Variants in NDUFB3 observed in about 807,000 individuals in gnomAD.
NDUFB3 encodes the protein NADH dehydrogenase [ubiquinone] 1 beta subcomplex subunit 3.
Under a neutral mutation model 9.0 loss-of-function variants are expected in NDUFB3, and 7 were observed. The ratio of observed to expected loss-of-function variants is 0.78; its 90% confidence interval spans 0.44 to 1.46. The LOEUF is 1.46. Among genes scored for constraint, NDUFB3 ranks in the 40% most tolerant of loss-of-function variants. The pLI, the probability that NDUFB3 is intolerant of heterozygous loss-of-function variation, is 0.01. For synonymous variants in NDUFB3, 29 were observed against 38.5 expected (o/e 0.75, Z 0.91); for missense variants, 93 against 115.4 (o/e 0.81, Z 0.89).
chr2:201,083,480 G>A (rs1005718971), intron 2 of NDUFB3, among the ~76,000 whole-genome samples: 10 of 149,752 alleles, frequency 6.7e-5, no homozygotes, highest in African/African-American at 1.7e-4. Flanking sequence ...TCTGCCTCCC[G>A]AATAGCTGGG....
intron 2 of NDUFB3, among the ~76,000 whole-genome samples, chr2:201,081,241 T>C (rs1166670835): frequency 6.6e-6 from 1 of 151,460 alleles, no homozygotes; most frequent in African/African-American, 2.4e-5. Flanking sequence ...TCCAGCACTT[T>C]GGGAGGCCGA....
intron 2 of NDUFB3, among the ~76,000 whole-genome samples, chr2:201,079,623 A>G (rs2047202377): frequency 6.6e-6 from 1 of 152,066 alleles, no homozygotes; most frequent in African/African-American, 2.4e-5. Flanking sequence ...TTATATTGTT[A>G]GTAGAGACAG....
At chr2:201,079,702 C>T (rs1231150769) in intron 2 of NDUFB3, 1 of 152,154 alleles carries the variant, frequency 6.6e-6, no homozygotes, top group African/African-American at 2.4e-5. Flanking sequence ...CTTGGCCTCC[C>T]AAAGTGTTAA....
chr2:201,081,833 T>TG (rs1266133622), intron 2 of NDUFB3, among the ~76,000 whole-genome samples: 5 of 144,282 alleles, frequency 3.5e-5, no homozygotes, highest in African/African-American at 1.3e-4. Context: ...TTTTTTTTTT[T>TG]GAAATGGAGT....
At chr2:201,075,578 A>G (rs888506967) in intron 1 of NDUFB3, among the ~76,000 whole-genome samples, 11 of 151,828 alleles carry the variant, frequency 7.2e-5, no homozygotes, top group African/African-American at 2.4e-5. Flanking sequence ...AAAAAAAAAA[A>G]AAAAAAAAAG....
At chr2:201,078,691 A>G (rs1196333631) in intron 1 of NDUFB3, among the ~76,000 whole-genome samples, 190 bp from the exon 2 acceptor site, 3 of 152,042 alleles carry the variant, frequency 2.0e-5, no homozygotes, top group Non-Finnish European at 4.4e-5. Flanking sequence ...GTGTATGTGT[A>G]TTTCCTAACT....
At chr2:201,074,745 T>G (rs2047141777) in intron 1 of NDUFB3, among the ~76,000 whole-genome samples, 1 of 152,122 alleles carries the variant, frequency 6.6e-6, no homozygotes, top group Non-Finnish European at 1.5e-5. Flanking sequence ...CGTGTGCCAC[T>G]GCGCCCAGCC....
chr2:201,077,417 A>G (rs922842868), intron 1 of NDUFB3, among the ~76,000 whole-genome samples: 2 of 152,186 alleles, frequency 1.3e-5, no homozygotes, highest in African/African-American at 2.4e-5. Context: ...AAGTATTTAT[A>G]TAACCATTGA....
chr2:201,078,958 G>A lies in NDUFB3; in HGVS notation c.76G>A (p.Gly26Arg), dbSNP rs1311870530. 4 of 1,613,376 alleles carry A rather than the reference G, an allele frequency of 2.5e-6. No homozygotes were observed. The highest frequency in any genetic ancestry group is 1.7e-5 in the Admixed American group (1 of 59,928). Residue 26 changes from glycine (G) to arginine (R), a missense_variant, in exon 2 of 3, where the codon GGG (glycine) becomes AGG (arginine). Physicochemically the swap from Gly to Arg is moderately radical, Grantham distance 125. Transcript: ENST00000237889. ...AGATTATAGACAATGGAAGATAGAAGGGACACCATTAGAAACTATCCAGAA... is the reference window on the plus strand; with the variant it reads ...AGATTATAGACAATGGAAGATAGAAAGGACACCATTAGAAACTATCCAGAA... ...LPDYRQWKIE[G>R]TPLETIQKKL...
chr2:201,085,681 C>T lies in NDUFB3; in HGVS notation c.*66C>T, dbSNP rs955723904. The T allele has an allele frequency of 1.8e-5, 26 of 1,407,012 alleles. No homozygotes were observed. In the Admixed American group the frequency reaches 5.4e-4, roughly 29 times the overall value. 87.2% of individuals were successfully genotyped at this position (1,407,012 alleles called of 1,614,324 possible). ...CAAAATAAGATTTCTTCTCTGTAGC[C>T]TACTTGTCTGGTTTATCCCTTACAG... On this transcript the variant is annotated 3_prime_UTR_variant, in exon 3 of 3. Coordinates refer to ENST00000237889, the MANE Select transcript of NDUFB3 (RefSeq NM_002491.3).
At chr2:201,075,190 A>AG (rs1440086510) in intron 1 of NDUFB3, among the ~76,000 whole-genome samples, 1 of 151,660 alleles carries the variant, frequency 6.6e-6, no homozygotes, top group African/African-American at 2.4e-5. Flanking sequence ...AAAAAAAAAA[A>AG]AAAAAGAAAA....
intron 1 of NDUFB3, among the ~76,000 whole-genome samples, chr2:201,073,031 G>T (rs969021020): frequency 2.6e-5 from 4 of 152,070 alleles, no homozygotes; most frequent in Non-Finnish European, 5.9e-5. Context: ...ATGGCGGGGG[G>T]TGTGATTAGG....
chr2:201,077,602 C>T (rs1035288492), intron 1 of NDUFB3, among the ~76,000 whole-genome samples: 3 of 152,196 alleles, frequency 2.0e-5, no homozygotes, highest in African/African-American at 7.2e-5. Context: ...TTTGTAATGA[C>T]TTTGATGCTA....
intron 1 of NDUFB3, among the ~76,000 whole-genome samples, chr2:201,074,454 CTTTT>C (rs370282012): frequency 1.8e-5 from 2 of 113,188 alleles, no homozygotes; most frequent in African/African-American, 3.7e-5. Flanking sequence ...ATATGTTCAG[CTTTT>C]TTTTTTTTTT....
At position 201,078,277 on chromosome 2, in the gene NDUFB3, G is replaced by C. The variant is rs537865878; in HGVS notation, c.-2-604G>C. Among the ~76,000 whole-genome samples, 15 of 152,142 alleles carry C rather than the reference G, an allele frequency of 9.9e-5. No homozygotes were observed. In the East Asian group the frequency reaches 2.9e-3, roughly 29 times the overall value. ...AGATTGCACCACTGCACTCCAGCCT[G>C]AGCGACAGAGCGAGACGCCGTCTCA... On this transcript the variant is annotated intron_variant, in intron 1 of 2. Coordinates refer to ENST00000237889, the MANE Select transcript of NDUFB3 (RefSeq NM_002491.3).
At chr2:201,079,292 G>A (rs907882451) in intron 2 of NDUFB3, among the ~76,000 whole-genome samples, 5 of 151,986 alleles carry the variant, frequency 3.3e-5, no homozygotes, top group South Asian at 2.1e-4. Context: ...TTACAGGCAC[G>A]CGCCACCAAG....
Position 201,082,215 on chromosome 2 carries a change from A to G in NDUFB3, c.140+3193A>G, listed in dbSNP as rs182762393. Among the ~76,000 whole-genome samples, 280 of 151,822 alleles carry G rather than the reference A, an allele frequency of 1.8e-3. 3 individuals are homozygous for G. Among genetic ancestry groups the G allele is most frequent in the African/African-American group, 6.4e-3 (264 of 41,424 alleles). On this transcript the variant is annotated intron_variant, in intron 2 of 2. Coordinates refer to ENST00000237889, the MANE Select transcript of NDUFB3 (RefSeq NM_002491.3). ...GTGATCCGCTCGCCTCAGCCCCCCA[A>G]AGTGCTAGGATTACAGGTTTGAGCC...
At chr2:201,077,680 G>A (rs183012462) in intron 1 of NDUFB3, among the ~76,000 whole-genome samples, 10 of 152,148 alleles carry the variant, frequency 6.6e-5, no homozygotes, top group Non-Finnish European at 1.0e-4. Context: ...CATTTTTTTC[G>A]TCAGTAGACC....
chr2:201,072,860 A>T (rs2047102509), intron 1 of NDUFB3, among the ~76,000 whole-genome samples: 1 of 152,204 alleles, frequency 6.6e-6, no homozygotes, highest in Non-Finnish European at 1.5e-5. Flanking sequence ...CATTGCCAAT[A>T]ACTTAGAACA....
Sources: allele counts gnomAD v4.1 joint callset (sites outside exome capture counted in the v4.1 genomes callset), GRCh38; gene constraint gnomAD v4.1.1; transcripts MANE v1.5; gene names NCBI Gene and HGNC (gene_info 2026-07-23, HGNC 2026-07-21).